Variants in MYO16 observed in about 807,000 individuals in gnomAD.
MYO16 encodes myosin XVI.
Under a neutral mutation model 205.3 loss-of-function variants are expected in MYO16, and 94 were observed. That is an observed-to-expected ratio of 0.46 (90% CI 0.39 to 0.54). The LOEUF is 0.54. Ranked by LOEUF, MYO16 falls within the 20% of genes least tolerant of loss-of-function variation. The pLI is 0.00. For synonymous variants in MYO16, 988 were observed against 954.0 expected (o/e 1.04, Z -0.66); for missense variants, 2,315 against 2,387.5 (o/e 0.97, Z 0.63).
chr13:109,010,589 C>T (rs1239574453), intron 22 of MYO16, among the ~76,000 whole-genome samples: 1 of 152,068 alleles, frequency 6.6e-6, no homozygotes, highest in East Asian at 1.9e-4. Context: ...CTTTACCAAA[C>T]AAGTGAATAT....
chr13:108,963,268 G>A (rs1883657109), intron 19 of MYO16, among the ~76,000 whole-genome samples: 1 of 151,992 alleles, frequency 6.6e-6, no homozygotes, highest in South Asian at 2.1e-4. Context: ...GGCCTTTTGG[G>A]CCTATGTGCA....
chr13:109,022,340 T>TACA (rs1555324953), intron 23 of MYO16, among the ~76,000 whole-genome samples: 1 of 85,088 alleles, frequency 1.2e-5, no homozygotes, highest in African/African-American at 4.5e-5. Flanking sequence ...TATTTATATA[T>TACA]TATATACAAA....
chr13:109,138,053 C>G (rs2139799998), intron 31 of MYO16, among the ~76,000 whole-genome samples: 2 of 152,332 alleles, frequency 1.3e-5, no homozygotes, highest in Middle Eastern at 6.8e-3. Context: ...ATGAATTTAT[C>G]TCAGTAAATA....
chr13:108,595,881 C>CT (rs67620613), upstream of MYO16, among the ~76,000 whole-genome samples: 4,440 of 108,264 alleles, frequency 0.041, 341 homozygotes, highest in African/African-American at 0.13. Flanking sequence ...AAATTAAGTC[C>CT]TTTTTTTTTT....
At chr13:108,623,774 A>G (rs926227630) in intron 1 of MYO16, among the ~76,000 whole-genome samples, 2 of 152,194 alleles carry the variant, frequency 1.3e-5, no homozygotes, top group East Asian at 3.9e-4. Flanking sequence ...AGGAAATAGG[A>G]AAAGTAGAAG....
intron 28 of MYO16, among the ~76,000 whole-genome samples, chr13:109,116,720 C>T (rs1243608799): frequency 6.6e-6 from 1 of 152,184 alleles, no homozygotes; most frequent in African/African-American, 2.4e-5. Flanking sequence ...CTTCCTTTGT[C>T]TGAGAGGAGG....
chr13:108,869,991 A>G (rs1452633753), intron 12 of MYO16, among the ~76,000 whole-genome samples: 1 of 151,418 alleles, frequency 6.6e-6, no homozygotes, highest in Non-Finnish European at 1.5e-5. Context: ...AAAAATATAT[A>G]TATATTTCTT....
At chr13:108,572,679 G>C in the MYO16 span, among the ~76,000 whole-genome samples, 1 of 152,006 alleles carries the variant, frequency 6.6e-6, no homozygotes, top group African/African-American at 2.4e-5. Context: ...TGTGACATAG[G>C]TTACTGAAAA....
intron 2 of MYO16, among the ~76,000 whole-genome samples, chr13:108,708,561 T>G (rs11618054): frequency 0.44 from 67,073 of 151,994 alleles, 15,646 homozygotes; most frequent in Non-Finnish European, 0.54. Flanking sequence ...GTGATTGTCC[T>G]TCCCTCTGTC....
In MYO16 at chr13:108,810,797, C is replaced by T. The variant is rs538747552; in HGVS notation, c.867+3993C>T. ...ACAGTAATTTCACTCTTATAAAGAC[C>T]TTATAAATGTAAATACCTTTATGGA... On this transcript the variant is annotated intron_variant, in intron 7 of 34. Coordinates refer to ENST00000457511, the MANE Select transcript of MYO16 (RefSeq NM_001198950.3). Among the ~76,000 whole-genome samples the T allele has an allele frequency of 4.6e-5, 7 of 152,180 alleles. No homozygotes were observed. In the South Asian group the frequency reaches 1.2e-3, roughly 27 times the overall value.
chr13:108,719,193 A>G (rs905600115), intron 3 of MYO16, among the ~76,000 whole-genome samples: 3 of 152,162 alleles, frequency 2.0e-5, no homozygotes, highest in African/African-American at 7.2e-5. Flanking sequence ...CAGACTTCTT[A>G]TAGAATTATA....
At chr13:109,120,507 G>C in intron 29 of MYO16, 41 bp downstream of exon 29, 1 of 1,508,610 alleles carries the variant, frequency 6.6e-7, no homozygotes, top group East Asian at 2.3e-5. Context: ...TATTTGAGTT[G>C]TGAAATGCAA....
Position 109,140,171 on chromosome 13 carries a change from G to C in MYO16, c.4052-93G>C, listed in dbSNP as rs1053423864. The C allele has an allele frequency of 2.6e-6, 4 of 1,528,700 alleles. No individual in the cohort carries two copies. In the African/African-American group the frequency reaches 4.2e-5, roughly 16 times the overall value. 94.7% of individuals were successfully genotyped at this position (1,528,700 alleles called of 1,614,324 possible). ...CGGTCCCTTGGGATTCTCGGGGCAC[G>C]GGGCCGTGGCTCCCTCCGAGTCGAG... On this transcript the variant is annotated intron_variant, in intron 31 of 34. Coordinates refer to ENST00000457511, the MANE Select transcript of MYO16 (RefSeq NM_001198950.3). The surrounding 1 kb of genome is among the most constrained non-coding windows in gnomAD (Gnocchi z 8.0).
At chr13:108,860,390 T>G (rs196154) in intron 11 of MYO16, among the ~76,000 whole-genome samples, 16,433 of 152,246 alleles carry the variant, frequency 0.11, 966 homozygotes, top group Non-Finnish European at 0.12. Flanking sequence ...TGTACCATTC[T>G]TTCTTTATCC....
At chr13:108,902,834 C>T (rs1880774823) in intron 15 of MYO16, among the ~76,000 whole-genome samples, 1 of 152,160 alleles carries the variant, frequency 6.6e-6, no homozygotes, top group South Asian at 2.1e-4. Context: ...TAAGGTTTTG[C>T]TTTCTATGGT....
chr13:108,944,905 G>T (rs1279669260), intron 16 of MYO16, among the ~76,000 whole-genome samples: 1 of 152,086 alleles, frequency 6.6e-6, no homozygotes, highest in African/African-American at 2.4e-5. Flanking sequence ...AATAGTAAAT[G>T]AGTAACCCAG....
chr13:108,911,066 C>CACACACACACACACACACACACACAG (rs59417999), intron 16 of MYO16, among the ~76,000 whole-genome samples: 3 of 143,026 alleles, frequency 2.1e-5, no homozygotes, highest in African/African-American at 7.9e-5. Flanking sequence ...CACACACACA[C>CACACACACACACACACACACACACAG]AGAGAGAGAG....
chr13:108,727,267 C>T (rs1025812699), intron 3 of MYO16, among the ~76,000 whole-genome samples, 173 bp from the exon 4 acceptor site: 1 of 151,836 alleles, frequency 6.6e-6, no homozygotes, highest in Non-Finnish European at 1.5e-5. Flanking sequence ...AGAAGTCTTG[C>T]GTATGTTCTT....
At chr13:108,950,063 A>C (rs1883085828) in intron 16 of MYO16, among the ~76,000 whole-genome samples, 1 of 152,208 alleles carries the variant, frequency 6.6e-6, no homozygotes, top group Non-Finnish European at 1.5e-5. Flanking sequence ...AGAGACCTAA[A>C]TGTAAAGCAT....
Sources: allele counts gnomAD v4.1 joint callset (sites outside exome capture counted in the v4.1 genomes callset), GRCh38; gene constraint gnomAD v4.1.1; non-coding constraint Gnocchi (gnomAD v3.1); transcripts MANE v1.5; gene names NCBI Gene and HGNC (gene_info 2026-07-23, HGNC 2026-07-21).